RABGAP1L: variants seen among roughly 807,000 people sequenced by gnomAD.
RABGAP1L encodes rab GTPase-activating protein 1-like.
A neutral mutation model predicts 137.7 loss-of-function variants in RABGAP1L; 63 were observed. The ratio of observed to expected loss-of-function variants is 0.46; its 90% confidence interval spans 0.37 to 0.56. RABGAP1L has a LOEUF of 0.56. RABGAP1L is among the 20% of genes least tolerant of loss of function. The pLI, the probability that RABGAP1L is intolerant of heterozygous loss-of-function variation, is 0.00. For synonymous variants in RABGAP1L, 431 were observed against 433.7 expected (o/e 0.99, Z 0.08); for missense variants, 1,095 against 1,244.0 (o/e 0.88, Z 1.80).
intron 13 of RABGAP1L, among the ~76,000 whole-genome samples, chr1:174,611,373 T>C (rs888096770): frequency 3.8e-4 from 58 of 152,218 alleles, no homozygotes; most frequent in African/African-American, 1.3e-3. Context: ...TGTAGATATG[T>C]GGTGTTACTT....
At chr1:174,669,640 A>G (rs1283457795) in intron 14 of RABGAP1L, among the ~76,000 whole-genome samples, 1 of 152,092 alleles carries the variant, frequency 6.6e-6, no homozygotes, top group Non-Finnish European at 1.5e-5. Context: ...TAATCCATTT[A>G]GAGTTTATTT....
intron 1 of RABGAP1L, among the ~76,000 whole-genome samples, chr1:174,176,757 T>C (rs1665925297): frequency 1.0e-5 from 1 of 100,414 alleles, no homozygotes; most frequent in African/African-American, 4.2e-5. Flanking sequence ...GGTCAACATT[T>C]GTTAATACTG....
chr1:174,161,712 C>T (rs1323986220), intron 1 of RABGAP1L, among the ~76,000 whole-genome samples: 1 of 151,942 alleles, frequency 6.6e-6, no homozygotes, highest in African/African-American at 2.4e-5. Context: ...AAAAGTGTGA[C>T]TGTAAATAGA....
chr1:174,913,301 T>C (rs1343434381), intron 19 of RABGAP1L, among the ~76,000 whole-genome samples: 1 of 152,160 alleles, frequency 6.6e-6, no homozygotes, highest in Non-Finnish European at 1.5e-5. Flanking sequence ...CTAAGAGCTA[T>C]ATAATAAAAC....
intron 13 of RABGAP1L, among the ~76,000 whole-genome samples, chr1:174,612,822 A>T (rs1161828408): frequency 6.6e-6 from 1 of 152,180 alleles, no homozygotes. Flanking sequence ...CATTTCTTCT[A>T]GATTTTCTAG....
At chr1:174,933,137 T>A (rs1263884903) in intron 19 of RABGAP1L, among the ~76,000 whole-genome samples, 2 of 151,920 alleles carry the variant, frequency 1.3e-5, no homozygotes, top group African/African-American at 4.9e-5. Flanking sequence ...CATACATACA[T>A]ACATACAAAC....
chr1:174,801,009 T>C (rs1202703977), intron 18 of RABGAP1L, among the ~76,000 whole-genome samples: 2 of 152,228 alleles, frequency 1.3e-5, no homozygotes, highest in African/African-American at 4.8e-5. Context: ...TAGGTTTCTC[T>C]CCTAGAATGA....
rs1166364912 is a variant in RABGAP1L at position 174,590,123 on chromosome 1, CTTTTTTTTTTTTTT to C, written c.1711-47237_1711-47224del. Among the ~76,000 whole-genome samples, 44 of 59,810 alleles carry C rather than the reference CTTTTTTTTTTTTTT, an allele frequency of 7.4e-4. 1 individual carries two copies. The highest frequency in any genetic ancestry group is 1.2e-3 in the Non-Finnish European group (37 of 31,728). 39.2% of individuals were successfully genotyped at this position (59,810 alleles called of 152,430 possible). A position where few individuals can be genotyped will look rare whatever the true frequency, so the allele number is the denominator to read the frequency against. Reference sequence around the variant, plus strand: ...CCATTTTTTGTGACCTCTTCAGTTTCTTTTTTTTTTTTTTTTTTTTTTTTTTTTGTGAGCCAAAT... The same window carrying C: ...CCATTTTTTGTGACCTCTTCAGTTTCTTTTTTTTTTTTTTGTGAGCCAAAT... On this transcript the variant is annotated intron_variant, in intron 13 of 25. Transcript: ENST00000681986.
chr1:174,278,967 C>T (rs1406088769), intron 10 of RABGAP1L, among the ~76,000 whole-genome samples, 188 bp downstream of exon 10: 2 of 152,030 alleles, frequency 1.3e-5, no homozygotes, highest in Non-Finnish European at 2.9e-5. Context: ...TAAAAAAACC[C>T]AGCAAGTTTA....
chr1:174,370,609 T>G (rs1685041276), intron 11 of RABGAP1L, among the ~76,000 whole-genome samples: 1 of 151,188 alleles, frequency 6.6e-6, no homozygotes, highest in Non-Finnish European at 1.5e-5. Context: ...GTTTGGCCCT[T>G]AATTTTTATG....
chr1:174,827,309 A>G (rs1691669737), intron 19 of RABGAP1L, among the ~76,000 whole-genome samples: 1 of 152,176 alleles, frequency 6.6e-6, no homozygotes, highest in African/African-American at 2.4e-5. Context: ...CACTGTGCCC[A>G]GCTCTAATCT....
At chr1:174,789,591 A>G (rs1476576069) in intron 18 of RABGAP1L, among the ~76,000 whole-genome samples, 4 of 152,118 alleles carry the variant, frequency 2.6e-5, no homozygotes, top group African/African-American at 7.2e-5. Flanking sequence ...GACTCAGTTC[A>G]TTGCTCAGCA....
At chr1:174,553,821 C>T (rs1045856146) in intron 13 of RABGAP1L, among the ~76,000 whole-genome samples, 1 of 152,014 alleles carries the variant, frequency 6.6e-6, no homozygotes, top group African/African-American at 2.4e-5. Flanking sequence ...GGCAATATGG[C>T]GAAATCCCAT....
At chr1:174,451,559 A>G (rs1354116058) in intron 13 of RABGAP1L, among the ~76,000 whole-genome samples, 1 of 152,226 alleles carries the variant, frequency 6.6e-6, no homozygotes, top group Non-Finnish European at 1.5e-5. Context: ...TAACTAGTCA[A>G]TGGCAGAGGT....
intron 18 of RABGAP1L, chr1:174,799,999 C>A: frequency 9.2e-7 from 1 of 1,091,280 alleles, no homozygotes; most frequent in Non-Finnish European, 1.1e-6. Flanking sequence ...TTCTCACATG[C>A]TAGACCCTTC....
Position 174,325,903 on chromosome 1 carries a change from C to G in RABGAP1L, c.1465+20776C>G, listed in dbSNP as rs115141133. On this transcript the variant is annotated intron_variant, in intron 11 of 25. Coordinates refer to ENST00000681986, the MANE Select transcript of RABGAP1L (RefSeq NM_001366446.1). ...TCCACAGATCCTCTGGACTTGAGGG[C>G]CTGACTGGCTCTCCCACATGGCCTA... Among the ~76,000 whole-genome samples, 533 of 152,342 alleles carry G rather than the reference C, an allele frequency of 3.5e-3. 1 individual carries two copies. The highest frequency in any genetic ancestry group is 0.012 in the African/African-American group (512 of 41,592).
rs2148480537 is a variant in RABGAP1L at position 174,683,580 on chromosome 1, C to A, written c.1883C>A (p.Ala628Asp). 1.9e-6 allele frequency: 3 copies of A among 1,606,162 alleles called. No homozygotes were observed. In the East Asian group the frequency reaches 6.7e-5, roughly 36 times the overall value. Residue 628 changes from alanine to aspartate, a missense_variant, in exon 15 of 26, where the codon GCT becomes GAT. Ala to Asp is a moderately radical substitution (Grantham distance 126, BLOSUM62 -2). This residue lies in a region of RABGAP1L where 315 missense variants were observed against 324.8 expected (regional missense o/e 0.97). Transcript: ENST00000681986. The stretch of plus-strand genomic sequence containing the variant: ...TGTCAAGGGCAGTCTTTTCTTGCTG[C>A]TGTATTACTGCTGCATGTAAGTAAT... ...GYCQGQSFLA[A>D]VLLLHMPEEQ...
rs568368572 is a variant in RABGAP1L, at chr1:174,507,520, G to A, written c.1710+113375G>A. On this transcript the variant is annotated intron_variant, in intron 13 of 25. Transcript: ENST00000681986. Reference sequence around the variant, plus strand: ...GATATAACTGTAATAGGTAATTGATGCAAATAACCTCCATCTCTTATTTTA... The same window carrying A: ...GATATAACTGTAATAGGTAATTGATACAAATAACCTCCATCTCTTATTTTA... Among the ~76,000 whole-genome samples the A allele has an allele frequency of 7.9e-5, 12 of 152,128 alleles. 1 individual carries two copies. Among genetic ancestry groups the A allele is most frequent in the African/African-American group, 2.9e-4 (12 of 41,524 alleles).
rs745756788 is a variant in RABGAP1L at position 174,917,701 on chromosome 1, G to T, written c.2341-39756G>T. Among the ~76,000 whole-genome samples the T allele has an allele frequency of 3.8e-4, 58 of 152,114 alleles. 1 individual carries two copies. Among genetic ancestry groups the T allele is most frequent in the Non-Finnish European group, 1.2e-4 (8 of 68,004 alleles). On this transcript the variant is annotated intron_variant, in intron 19 of 25. Transcript: ENST00000681986. ...TAACCCCAGCACTTTGGGAGGCTGA[G>T]GTGGGTTGATCACCTGAGGTCAGGA...
Sources: allele counts gnomAD v4.1 joint callset (sites outside exome capture counted in the v4.1 genomes callset), GRCh38; gene constraint gnomAD v4.1.1; regional missense constraint gnomAD v4.1.1; transcripts MANE v1.5; gene names NCBI Gene and HGNC (gene_info 2026-07-23, HGNC 2026-07-21).